Variants in EYS observed in about 807,000 individuals in gnomAD.
EYS encodes the protein protein eyes shut homolog.
Under a neutral mutation model 282.1 loss-of-function variants are expected in EYS, and 250 were observed. That is an observed-to-expected ratio of 0.89 (90% CI 0.80 to 0.98). EYS has a LOEUF of 0.98. EYS is among the 50% of genes least tolerant of loss of function. EYS has a pLI of 0.00. For synonymous variants in EYS, 1,355 were observed against 1,282.9 expected, an observed-to-expected ratio of 1.06 and a Z score of -1.20; for missense variants, 4,016 against 3,709.0, an observed-to-expected ratio of 1.08 and a Z score of -2.15.
chr6:64,175,607 A>T (rs535038931), intron 31 of EYS, among the ~76,000 whole-genome samples: 1 of 152,188 alleles, frequency 6.6e-6, no homozygotes, highest in Non-Finnish European at 1.5e-5. Context: ...TGAATTGCAC[A>T]TGCCAGGGCA....
chr6:63,901,682 A>G lies in EYS; in HGVS notation c.7056-37324T>C, dbSNP rs149101841. On this transcript the variant is annotated intron_variant, in intron 35 of 42. Transcript: ENST00000503581. ...TATTACTAATAGCTAACTTCTCATT[A>G]GAGATAATGGAAGCCAGTCAGCACT... 3.1e-3 allele frequency among the ~76,000 whole-genome samples: 469 copies of G among 152,352 alleles called. 2 individuals carry two copies. Among genetic ancestry groups the G allele is most frequent in the African/African-American group, 0.01 (429 of 41,582 alleles).
At chr6:64,724,754 G>A (rs1017021710) in intron 22 of EYS, among the ~76,000 whole-genome samples, 1 of 151,954 alleles carries the variant, frequency 6.6e-6, no homozygotes, top group African/African-American at 2.4e-5. Flanking sequence ...TTTAATAAAG[G>A]TTAAAAAATA....
chr6:65,668,554 G>T (rs945856469), intron 1 of EYS, among the ~76,000 whole-genome samples: 1 of 151,842 alleles, frequency 6.6e-6, no homozygotes, highest in African/African-American at 2.4e-5. Context: ...AAAAAAATAT[G>T]TATTATCTGC....
chr6:64,551,720 A>G (rs1765089566), intron 26 of EYS, among the ~76,000 whole-genome samples: 2 of 151,964 alleles, frequency 1.3e-5, no homozygotes, highest in South Asian at 4.2e-4. Flanking sequence ...TATTTTTAGT[A>G]GAGACAGGGT....
At chr6:64,188,464 A>G (rs2150315270) in intron 31 of EYS, among the ~76,000 whole-genome samples, 1 of 152,294 alleles carries the variant, frequency 6.6e-6, no homozygotes. Flanking sequence ...ATCGCTTTTT[A>G]GTAAAAATAT....
At chr6:64,939,787 AAG>A (rs1769028503) in intron 15 of EYS, among the ~76,000 whole-genome samples, 1 of 151,936 alleles carries the variant, frequency 6.6e-6, no homozygotes, top group Non-Finnish European at 1.5e-5. Flanking sequence ...ATATAGTATA[AAG>A]CAGGTTTAGA....
At chr6:64,545,683 CA>C (rs1392369237) in intron 26 of EYS, among the ~76,000 whole-genome samples, 1 of 152,178 alleles carries the variant, frequency 6.6e-6, no homozygotes, top group Admixed American at 6.5e-5. Context: ...TCTCAGGATA[CA>C]AAATCAATGT....
At chr6:64,167,633 T>A (rs1404605812) in intron 31 of EYS, among the ~76,000 whole-genome samples, 2 of 150,764 alleles carry the variant, frequency 1.3e-5, no homozygotes, top group East Asian at 3.9e-4. Context: ...CCAAAGGGCA[T>A]ACGTACATAC....
At chr6:65,253,590 G>T (rs1183677487) in intron 12 of EYS, among the ~76,000 whole-genome samples, 2 of 151,732 alleles carry the variant, frequency 1.3e-5, no homozygotes, top group Non-Finnish European at 2.9e-5. Context: ...ACATATTATT[G>T]TGAATGACAT....
chr6:64,514,340 T>C (rs1238921190), intron 26 of EYS, among the ~76,000 whole-genome samples: 1 of 151,762 alleles, frequency 6.6e-6, no homozygotes, highest in Non-Finnish European at 1.5e-5. Context: ...CAGTGCTAAT[T>C]AGGAATTGCA....
intron 37 of EYS, among the ~76,000 whole-genome samples, chr6:63,792,439 TA>T (rs906836638): frequency 1.3e-5 from 2 of 152,078 alleles, no homozygotes; most frequent in African/African-American, 4.8e-5. Flanking sequence ...TTTCCAAACC[TA>T]GAAGTCCTTT....
intron 1 of EYS, among the ~76,000 whole-genome samples, chr6:65,677,949 G>C (rs1049644188): frequency 2.1e-4 from 32 of 152,158 alleles, no homozygotes; most frequent in Middle Eastern, 3.4e-3. Flanking sequence ...ATCTGTGTTA[G>C]TCCATTGTTG....
chr6:64,927,326 C>CA (rs1768549901), intron 15 of EYS, among the ~76,000 whole-genome samples: 1 of 151,962 alleles, frequency 6.6e-6, no homozygotes, highest in Non-Finnish European at 1.5e-5. Context: ...GATTATTGAG[C>CA]AAAACAACAT....
intron 31 of EYS, among the ~76,000 whole-genome samples, chr6:64,180,701 T>C (rs1764764041): frequency 1.3e-5 from 2 of 152,144 alleles, no homozygotes; most frequent in African/African-American, 4.8e-5. Context: ...AAGTGAACTC[T>C]ACAAGTATTT....
chr6:65,677,394 T>G (rs1420992250), intron 1 of EYS, among the ~76,000 whole-genome samples: 1 of 151,838 alleles, frequency 6.6e-6, no homozygotes, highest in Non-Finnish European at 1.5e-5. Flanking sequence ...AATCAACATA[T>G]AGAATCAGTT....
At chr6:65,136,268 C>A (rs892119827) in intron 12 of EYS, among the ~76,000 whole-genome samples, 2 of 151,688 alleles carry the variant, frequency 1.3e-5, no homozygotes, top group African/African-American at 4.8e-5. Context: ...AAGTATTAGG[C>A]AATATAAATT....
At position 63,984,483 on chromosome 6, in the gene EYS, A is replaced by G. The variant is rs1212043673; in HGVS notation, c.6955T>C (p.Phe2319Leu). 2 of 1,549,640 alleles carry G rather than the reference A, an allele frequency of 1.3e-6. No homozygotes were observed. Among genetic ancestry groups the G allele is most frequent in the East Asian group, 4.9e-5 (2 of 40,854 alleles). ...ILDLQVNNKE[F>L]FIIDEARHGK... Reference sequence around the variant, plus strand: ...TGTCGTGCTTCATCGATGATGAAGAATTCTTTGTTGTTTACTTGAAGGTCT... The same window carrying G: ...TGTCGTGCTTCATCGATGATGAAGAGTTCTTTGTTGTTTACTTGAAGGTCT... Residue 2319 changes from phenylalanine (F) to leucine (L), a missense_variant, in exon 35 of 43, where the codon TTC becomes CTC. Coordinates refer to ENST00000503581, the MANE Select transcript of EYS (RefSeq NM_001142800.2).
chr6:64,672,623 T>G (rs1769505365), intron 22 of EYS, among the ~76,000 whole-genome samples: 1 of 152,206 alleles, frequency 6.6e-6, no homozygotes, highest in South Asian at 2.1e-4. Context: ...TCTCTCACTA[T>G]TCCCTTTCCA....
intron 29 of EYS, among the ~76,000 whole-genome samples, chr6:64,370,375 T>A (rs1253142844): frequency 6.6e-6 from 1 of 152,180 alleles, no homozygotes; most frequent in East Asian, 1.9e-4. Flanking sequence ...CAGAGCCTAC[T>A]TGATCATGGT....
Sources: gnomAD v4.1 joint callset for allele counts (sites outside exome capture counted in the v4.1 genomes callset) on GRCh38, gnomAD v4.1.1 for gene constraint, MANE v1.5 for transcripts, NCBI Gene and HGNC (gene_info 2026-07-23, HGNC 2026-07-21) for gene names.